Variants in LAMA4 observed in about 807,000 individuals in gnomAD.
The protein encoded by LAMA4 is laminin subunit alpha 4.
A neutral mutation model predicts 207.1 loss-of-function variants in LAMA4; 127 were observed. The ratio of observed to expected loss-of-function variants is 0.61; its 90% CI spans 0.53 to 0.71. LAMA4 has a LOEUF of 0.71. Ranked by LOEUF, LAMA4 falls within the 30% of genes least tolerant of loss-of-function variation. The probability of loss-of-function intolerance (pLI) is 0.00; values close to 1 mark genes in which losing one functional copy is unlikely to be tolerated. For synonymous variants in LAMA4, 761 were observed against 816.0 expected (o/e 0.93, Z 1.15); for missense variants, 2,093 against 2,246.5 (o/e 0.93, Z 1.38).
chr6:112,114,309 A>G, intron 37 of LAMA4, 114 bp from the exon 38 acceptor site: 1 of 1,022,276 alleles, frequency 9.8e-7, no homozygotes, highest in South Asian at 1.3e-5. Flanking sequence ...TAAAACCCAC[A>G]CTTTCTTCTA....
intron 16 of LAMA4, among the ~76,000 whole-genome samples, chr6:112,152,368 T>A (rs1780452092): frequency 6.6e-6 from 1 of 152,094 alleles, no homozygotes; most frequent in Non-Finnish European, 1.5e-5. Context: ...TGTATTTGCA[T>A]CAGTTTTGAG....
At chr6:112,208,295 G>A (rs549498771) in intron 3 of LAMA4, among the ~76,000 whole-genome samples, 26 of 152,326 alleles carry the variant, frequency 1.7e-4, no homozygotes, top group African/African-American at 5.5e-4. Flanking sequence ...GCAAGATGGA[G>A]TAGCAGTAGA....
In LAMA4 at chr6:112,253,679, C is replaced by T. The variant is rs973965870; in HGVS notation, c.195+277G>A. 8.0e-6 allele frequency: 12 copies of T among 1,495,808 alleles called. No homozygotes were observed. In the African/African-American group the frequency reaches 1.5e-4, roughly 19 times the overall value. The allele number at this position is 1,495,808 out of a possible 1,614,324, so 92.7% of individuals were successfully genotyped here. ...GTCACCGATGTGCTGCTGCAGTCCC[C>T]GGTGAGAGTCTAGCGGATGAACTCA... On this transcript the variant is annotated intron_variant, in intron 2 of 38. Transcript: ENST00000230538.
chr6:112,172,814 A>G lies in LAMA4; in HGVS notation c.1358-10T>C, dbSNP rs567818251. On this transcript the variant is annotated splice_polypyrimidine_tract_variant and intron_variant, in intron 11 of 38. Transcript: ENST00000230538. ...TCAGCCTGGCTCAGTACTGGGAAGA[A>G]ATGGAGATAAAGGCTCAGTGTGGCT... 3.7e-6 allele frequency: 6 copies of G among 1,611,576 alleles called. No homozygotes were observed. In the East Asian group the frequency reaches 1.1e-4, roughly 30 times the overall value.
At chr6:112,143,160 G>A (rs2114712635) in intron 19 of LAMA4, among the ~76,000 whole-genome samples, 1 of 152,206 alleles carries the variant, frequency 6.6e-6, no homozygotes, top group East Asian at 1.9e-4. Flanking sequence ...CAAATGATTA[G>A]GCATCTTTAT....
chr6:112,240,528 C>G (rs1208800362), intron 2 of LAMA4, among the ~76,000 whole-genome samples: 3 of 152,140 alleles, frequency 2.0e-5, no homozygotes, highest in Non-Finnish European at 4.4e-5. Context: ...ATTAACAATT[C>G]CCACCTCTCC....
At chr6:112,169,369 A>C (rs1270931720) in intron 12 of LAMA4, among the ~76,000 whole-genome samples, 1 of 152,192 alleles carries the variant, frequency 6.6e-6, no homozygotes, top group African/African-American at 2.4e-5. Context: ...TGGAGGAAAA[A>C]AGGTGTTGGT....
chr6:112,231,199 T>G (rs1367071925), intron 2 of LAMA4, among the ~76,000 whole-genome samples: 2 of 152,164 alleles, frequency 1.3e-5, no homozygotes, highest in African/African-American at 2.4e-5. Flanking sequence ...ATGTCTCCCT[T>G]TTTTCTCAGG....
At chr6:112,191,362 C>G (rs774579637) in intron 6 of LAMA4, among the ~76,000 whole-genome samples, 1 of 152,126 alleles carries the variant, frequency 6.6e-6, no homozygotes, top group Non-Finnish European at 1.5e-5. Flanking sequence ...TTGATTAAAA[C>G]TAGAAGGATA....
chr6:112,128,046 A>G (rs1235111221), intron 31 of LAMA4, among the ~76,000 whole-genome samples: 2 of 152,150 alleles, frequency 1.3e-5, no homozygotes, highest in African/African-American at 4.8e-5. Flanking sequence ...TCCAGGAAGG[A>G]GGGGAAAAAC....
intron 11 of LAMA4, among the ~76,000 whole-genome samples, 162 bp downstream of exon 11, chr6:112,175,151 T>C (rs1554343195): frequency 6.6e-6 from 1 of 152,166 alleles, no homozygotes; most frequent in Non-Finnish European, 1.5e-5. Context: ...TAAAGTCAAG[T>C]TGTCCTGAAT....
chr6:112,125,802 T>C (rs1411424636), intron 31 of LAMA4, among the ~76,000 whole-genome samples: 1 of 152,200 alleles, frequency 6.6e-6, no homozygotes, highest in African/African-American at 2.4e-5. Context: ...AGTCTATTAA[T>C]GGTTAAGTGA....
At chr6:112,131,377 TCA>T (rs1162399577) in intron 28 of LAMA4, among the ~76,000 whole-genome samples, 2 of 152,176 alleles carry the variant, frequency 1.3e-5, no homozygotes, top group Non-Finnish European at 2.9e-5. Flanking sequence ...CAACCCAGTC[TCA>T]GTTACTTTCC....
chr6:112,161,890 T>A (rs956790190), intron 13 of LAMA4: 1 of 151,274 alleles, frequency 6.6e-6, no homozygotes, highest in Non-Finnish European at 1.5e-5. Flanking sequence ...GAGAAAAGAG[T>A]TGGGTATGTG....
intron 2 of LAMA4, among the ~76,000 whole-genome samples, chr6:112,250,571 C>T (rs1210885963): frequency 1.3e-5 from 2 of 152,186 alleles, no homozygotes; most frequent in East Asian, 1.9e-4. Flanking sequence ...TCATTGACAA[C>T]TCAATGTTGT....
chr6:112,208,924 G>C (rs554772908), intron 3 of LAMA4, among the ~76,000 whole-genome samples: 1 of 152,128 alleles, frequency 6.6e-6, no homozygotes, highest in Non-Finnish European at 1.5e-5. Context: ...GCAGACAACA[G>C]GATGTTAACA....
chr6:112,212,417 T>A (rs1403270401), intron 3 of LAMA4, among the ~76,000 whole-genome samples: 2 of 152,002 alleles, frequency 1.3e-5, no homozygotes, highest in African/African-American at 4.8e-5. Context: ...AGAGATGGGG[T>A]TTTGCCCTGT....
chr6:112,199,096 C>T (rs1307226421), intron 5 of LAMA4, among the ~76,000 whole-genome samples: 1 of 152,200 alleles, frequency 6.6e-6, no homozygotes, highest in Non-Finnish European at 1.5e-5. Context: ...AGCAGCAGAT[C>T]TGACCCAGCC....
intron 4 of LAMA4, among the ~76,000 whole-genome samples, chr6:112,205,954 G>A (rs1456053223): frequency 6.6e-6 from 1 of 152,214 alleles, no homozygotes; most frequent in African/African-American, 2.4e-5. Flanking sequence ...ACGTGGAGGT[G>A]CTGAGAGCAT....
Sources: gnomAD v4.1 joint callset for allele counts (sites outside exome capture counted in the v4.1 genomes callset) on GRCh38, gnomAD v4.1.1 for gene constraint, MANE v1.5 for transcripts, NCBI Gene and HGNC (gene_info 2026-07-23, HGNC 2026-07-21) for gene names.